The following NFXL1 variants were observed in gnomAD, a reference collection of about 807,000 sequenced individuals.
The protein encoded by NFXL1 is NF-X1-type zinc finger protein NFXL1.
Under a neutral mutation model 123.3 loss-of-function variants are expected in NFXL1, and 66 were observed. The ratio of observed to expected loss-of-function variants is 0.54; its 90% confidence interval spans 0.44 to 0.66. The LOEUF is 0.66. Among genes scored for constraint, NFXL1 ranks in the 30% least tolerant of loss-of-function variants. The probability of loss-of-function intolerance (pLI) is 0.00; values close to 1 mark genes in which losing one functional copy is unlikely to be tolerated. For synonymous variants in NFXL1, 346 were observed against 360.8 expected (o/e 0.96, Z 0.46); for missense variants, 944 against 1,125.6 (o/e 0.84, Z 2.31).
At chr4:47,862,054 C>T (rs1734799817) in intron 19 of NFXL1, among the ~76,000 whole-genome samples, 1 of 152,164 alleles carries the variant, frequency 6.6e-6, no homozygotes, top group Admixed American at 6.5e-5. Context: ...CTACCCAAAT[C>T]AAGTAATTTT....
chr4:47,873,755 T>C (rs1039352033), intron 18 of NFXL1, among the ~76,000 whole-genome samples: 9 of 152,340 alleles, frequency 5.9e-5, no homozygotes, highest in African/African-American at 1.9e-4. Context: ...ACAAGAGAGT[T>C]TGCCTGTCCT....
chr4:47,905,977 A>G (rs1253716360), intron 3 of NFXL1, among the ~76,000 whole-genome samples: 2 of 152,200 alleles, frequency 1.3e-5, no homozygotes, highest in Admixed American at 6.5e-5. Flanking sequence ...ACACCGTACT[A>G]TTAGTACTTC....
At chr4:47,863,739 G>A (rs1734896935) in intron 18 of NFXL1, among the ~76,000 whole-genome samples, 1 of 152,118 alleles carries the variant, frequency 6.6e-6, no homozygotes, top group Admixed American at 6.6e-5. Context: ...TGAACAGTCT[G>A]CACTTTAAAA....
intron 19 of NFXL1, among the ~76,000 whole-genome samples, chr4:47,860,906 G>A (rs530847487): frequency 1.3e-5 from 2 of 151,088 alleles, no homozygotes; most frequent in African/African-American, 2.4e-5. Context: ...AAGCTGGAGT[G>A]CAATGGCGCC....
rs1184112943 is a variant in NFXL1 at position 47,899,019 on chromosome 4, G to C, written c.928C>G (p.Leu310Val). 2 of 1,613,778 alleles carry C rather than the reference G, an allele frequency of 1.2e-6. No homozygotes were observed. The highest frequency in any genetic ancestry group is 3.3e-5 in the Admixed American group (2 of 59,964). Residue 310 changes from leucine (L) to valine (V), a missense_variant, in exon 7 of 23, where the codon CTG (leucine) becomes GTG (valine). Physicochemically the swap from Leu to Val is conservative, Grantham distance 32. Coordinates refer to ENST00000507489, the MANE Select transcript of NFXL1 (RefSeq NM_001278624.2). ...CAAAGCAACTTCTGTCCACATGGCA[G>C]CTGACAAGACCATTCCTTGGCACTG... The part of the protein sequence containing the change: ...RCSAKEWSCQ[L>V]PCGQKLLCGQ...
At chr4:47,902,043 ATGG>A (rs1737375607) in intron 5 of NFXL1, among the ~76,000 whole-genome samples, 1 of 152,084 alleles carries the variant, frequency 6.6e-6, no homozygotes, top group African/African-American at 2.4e-5. Flanking sequence ...TTAGCCAGGC[ATGG>A]TGGCAGGCAC....
intron 2 of NFXL1, among the ~76,000 whole-genome samples, chr4:47,911,433 T>C (rs1177675712): frequency 6.6e-6 from 1 of 152,196 alleles, no homozygotes; most frequent in African/African-American, 2.4e-5. Context: ...AACTACCGTC[T>C]TCTGAACAAC....
chr4:47,879,158 T>G, intron 15 of NFXL1, 41 bp from the exon 16 acceptor site: 1 of 892,640 alleles, frequency 1.1e-6, no homozygotes, highest in Non-Finnish European at 1.7e-6. Context: ...CATTACAAAT[T>G]ATTCAAAAAT....
chr4:47,848,724 C>T (rs1021380224), intron 22 of NFXL1, among the ~76,000 whole-genome samples: 2 of 151,878 alleles, frequency 1.3e-5, no homozygotes, highest in South Asian at 2.1e-4. Context: ...CCCATCTATA[C>T]TAAAAATACA....
chr4:47,878,965 C>T (rs967677063), intron 16 of NFXL1, 131 bp downstream of exon 16: 1 of 611,844 alleles, frequency 1.6e-6, no homozygotes, highest in Non-Finnish European at 2.8e-6. Context: ...AGTAGATAAA[C>T]TCTTGTACTC....
chr4:47,914,537 G>A lies in NFXL1; in HGVS notation c.-175C>T, dbSNP rs954381417. On this transcript the variant is annotated 5_prime_UTR_variant, in exon 1 of 23. Coordinates refer to ENST00000507489, the MANE Select transcript of NFXL1 (RefSeq NM_001278624.2). The stretch of plus-strand genomic sequence containing the variant: ...TCTGCGGGAGCGTGGTAGGGGAAGA[G>A]TCACAGACTGACCCTGCGTCTCCCG... The A allele has an allele frequency of 1.0e-4, 27 of 269,360 alleles. No individual in the cohort carries two copies. The highest frequency in any genetic ancestry group is 5.7e-4 in the African/African-American group (26 of 45,544). 16.7% of individuals were successfully genotyped at this position (269,360 alleles called of 1,614,324 possible). A position where few individuals can be genotyped will look rare whatever the true frequency, so the allele number is the denominator to read the frequency against.
In NFXL1 at chr4:47,851,854, A is replaced by G; in HGVS notation, c.2508+2T>C. Reference sequence around the variant, plus strand: ...TTAAAATGATATTTAACGAGACATTACCTCAGATGCTTTCCGCTTCATTTC... The same window carrying G: ...TTAAAATGATATTTAACGAGACATTGCCTCAGATGCTTTCCGCTTCATTTC... On this transcript the variant is annotated splice_donor_variant, in intron 21 of 22. Transcript: ENST00000507489. LOFTEE classifies it high-confidence loss of function. 6.3e-7 allele frequency: 1 copy of G among 1,576,314 alleles called. No individual in the cohort carries two copies. The highest frequency in any genetic ancestry group is 8.7e-7 in the Non-Finnish European group (1 of 1,147,112).
At chr4:47,849,969 CT>C (rs1734033473) in intron 22 of NFXL1, among the ~76,000 whole-genome samples, 1 of 145,926 alleles carries the variant, frequency 6.9e-6, no homozygotes, top group Non-Finnish European at 1.5e-5. Flanking sequence ...TTTTTTTTTA[CT>C]TGTTTTGAAA....
chr4:47,854,555 A>G (rs756186402), intron 20 of NFXL1, among the ~76,000 whole-genome samples: 8 of 152,146 alleles, frequency 5.3e-5, no homozygotes, highest in Non-Finnish European at 1.2e-4. Context: ...TCTTAAAATT[A>G]GTTCTTTCCA....
chr4:47,874,457 G>A (rs977976524), intron 18 of NFXL1, among the ~76,000 whole-genome samples: 3 of 152,216 alleles, frequency 2.0e-5, no homozygotes, highest in Admixed American at 6.5e-5. Context: ...AGAGAGATAG[G>A]GGAACTGCTA....
chr4:47,878,402 G>A (rs1735881950), intron 17 of NFXL1, 123 bp downstream of exon 17: 1 of 700,926 alleles, frequency 1.4e-6, no homozygotes, highest in Non-Finnish European at 2.3e-6. Context: ...AGAAGGAGAA[G>A]GGATGAGGGC....
intron 19 of NFXL1, among the ~76,000 whole-genome samples, chr4:47,861,010 G>A (rs1027056751): frequency 3.0e-5 from 4 of 131,334 alleles, no homozygotes; most frequent in Non-Finnish European, 4.9e-5. Context: ...ATGCCACCAC[G>A]TCAGGCTATT....
chr4:47,903,914 C>A (rs1321130228), intron 4 of NFXL1, among the ~76,000 whole-genome samples: 1 of 152,076 alleles, frequency 6.6e-6, no homozygotes, highest in Non-Finnish European at 1.5e-5. Context: ...AGAAATAATA[C>A]TAAATTAATT....
At chr4:47,881,841 A>G (rs2110075349) in intron 15 of NFXL1, among the ~76,000 whole-genome samples, 1 of 152,330 alleles carries the variant, frequency 6.6e-6, no homozygotes, top group Non-Finnish European at 1.5e-5. Flanking sequence ...AACTACAGAG[A>G]TAGTAAAAAG....
Sources: gnomAD v4.1 joint callset for allele counts (sites outside exome capture counted in the v4.1 genomes callset) on GRCh38, gnomAD v4.1.1 for gene constraint, MANE v1.5 for transcripts, NCBI Gene and HGNC (gene_info 2026-07-23, HGNC 2026-07-21) for gene names.